The following NOS1 variants were observed in gnomAD, a reference collection of about 807,000 sequenced individuals.
NOS1 encodes the protein nitric oxide synthase 1, also known as NOS type I.
Under a neutral mutation model 164.5 loss-of-function variants are expected in NOS1, and 51 were observed. That is an observed-to-expected ratio of 0.31 (90% CI 0.25 to 0.39). The LOEUF is 0.39. Ranked by LOEUF, NOS1 falls within the 10% of genes least tolerant of loss-of-function variation. NOS1 has a pLI of 1.00. For missense variants in NOS1, 1,362 were observed against 1,885.6 expected (o/e 0.72, Z 5.14); for synonymous variants, 719 against 745.8 (o/e 0.96, Z 0.59).
chr12:117,256,939 G>A (rs1023666064), intron 16 of NOS1, among the ~76,000 whole-genome samples: 4 of 152,106 alleles, frequency 2.6e-5, no homozygotes, highest in African/African-American at 9.7e-5. Flanking sequence ...AGGCATGGTG[G>A]TGTGTGCCTG....
At chr12:117,312,436 TC>T (rs1874477049) in intron 2 of NOS1, among the ~76,000 whole-genome samples, 1 of 151,976 alleles carries the variant, frequency 6.6e-6, no homozygotes, top group Admixed American at 6.6e-5. Flanking sequence ...TTCGTTTTTT[TC>T]CCCAGCCTTG....
Position 117,258,450 on chromosome 12 carries a change from G to A in NOS1, c.2478C>T (p.Phe826=), listed in dbSNP as rs763272264. The A allele has an allele frequency of 8.7e-6, 14 of 1,613,924 alleles. No individual in the cohort carries two copies. The highest frequency in any genetic ancestry group is 2.2e-5 in the East Asian group (1 of 44,882). ...GCCTCATTTCCATCAAAGCACAGCC[G>A]AATTTCTGGAAGCCAAAACATATGG... ...NGDPPENGEK[F]GCALMEMRHP... Residue 826 remains phenylalanine, a synonymous_variant, in exon 16 of 29, where the codon TTC becomes TTT. Transcript: ENST00000317775.
intron 28 of NOS1, 30 bp from the exon 29 acceptor site, chr12:117,215,354 G>C (rs1269303910): frequency 6.6e-7 from 1 of 1,514,188 alleles, no homozygotes; most frequent in East Asian, 2.4e-5. Context: ...GGGGCAGTTA[G>C]TGCCCCAAGG....
intron 3 of NOS1, chr12:117,302,200 T>A (rs1873858840): frequency 2.4e-6 from 1 of 412,856 alleles, no homozygotes; most frequent in Non-Finnish European, 4.9e-6. Flanking sequence ...TTGTTATGGT[T>A]GACATCATTA....
chr12:117,272,895 A>G lies in NOS1; in HGVS notation c.1665-336T>C, dbSNP rs1592975256. The stretch of plus-strand genomic sequence containing the variant: ...CCCTTCCCCGACTGAGCACCCTCCT[A>G]CCCTCAGGGCCTTTGCACAGGCAGC... On this transcript the variant is annotated intron_variant, in intron 9 of 28. Coordinates refer to ENST00000317775, the MANE Select transcript of NOS1 (RefSeq NM_000620.5). The surrounding 1 kb of genome is among the most constrained non-coding windows in gnomAD (Gnocchi z 4.3). Among the ~76,000 whole-genome samples the G allele has an allele frequency of 1.3e-5, 2 of 152,054 alleles. No individual in the cohort carries two copies. Among genetic ancestry groups the G allele is most frequent in the African/African-American group, 4.8e-5 (2 of 41,400 alleles).
At chr12:117,228,513 C>T (rs939785703) in intron 22 of NOS1, among the ~76,000 whole-genome samples, 3 of 152,082 alleles carry the variant, frequency 2.0e-5, no homozygotes, top group African/African-American at 7.2e-5. Context: ...GAGTGACAGC[C>T]CCAGAAAAAT....
chr12:117,228,367 A>C (rs1336391033), intron 22 of NOS1, among the ~76,000 whole-genome samples: 2 of 152,196 alleles, frequency 1.3e-5, no homozygotes, highest in African/African-American at 2.4e-5. Flanking sequence ...ACACTCCTGA[A>C]GTCAAGAGAG....
chr12:117,295,743 C>G (rs1162539620), intron 3 of NOS1, among the ~76,000 whole-genome samples: 1 of 151,042 alleles, frequency 6.6e-6, no homozygotes, highest in Non-Finnish European at 1.5e-5. Flanking sequence ...CCTCAGCCTC[C>G]TGAGTAGCTG....
intron 20 of NOS1, among the ~76,000 whole-genome samples, chr12:117,235,953 G>C (rs1221532743): frequency 1.3e-5 from 2 of 152,184 alleles, no homozygotes; most frequent in Admixed American, 6.5e-5. Context: ...TGAGGCGGGA[G>C]AATCGCTTGA....
At chr12:117,313,960 C>G (rs185617426) in intron 2 of NOS1, among the ~76,000 whole-genome samples, 9 of 152,298 alleles carry the variant, frequency 5.9e-5, no homozygotes, top group African/African-American at 2.2e-4. Flanking sequence ...TTCTATGGTC[C>G]TAGCTTAGGG....
rs960823020 is a variant in NOS1 at position 117,356,015 on chromosome 12, G to A, written c.-421+5497C>T. Among the ~76,000 whole-genome samples, 1 of 152,180 alleles carries A rather than the reference G, an allele frequency of 6.6e-6. No homozygotes were observed. The highest frequency in any genetic ancestry group is 2.4e-5 in the African/African-American group (1 of 41,440). On this transcript the variant is annotated intron_variant, in intron 1 of 28. Transcript: ENST00000317775. The surrounding 1 kb of genome is among the most constrained non-coding windows in gnomAD (Gnocchi z 4.2). ...AATCCTCCTGCCTCAGTCTCCCAAA[G>A]TGTTGGGATTACAGGCGTGAGCCAC...
Position 117,265,349 on chromosome 12 carries a change from G to C in NOS1, c.2103C>G (p.Leu701=). 1.9e-6 allele frequency: 3 copies of C among 1,565,660 alleles called. No individual in the cohort carries two copies. Among genetic ancestry groups the C allele is most frequent in the Non-Finnish European group, 2.6e-6 (3 of 1,150,738 alleles). ...CGAAGGAGGGGGTGAGCCGGTAGTT[G>C]AGCATCTCCTGGTGGAACACAGGGG... The part of the protein sequence containing the change: ...SITPVFHQEM[L]NYRLTPSFEY... The change falls in exon 12 of 29, where the codon CTC becomes CTG. Residue 701 remains leucine, a synonymous_variant. Transcript: ENST00000317775.
intron 4 of NOS1, among the ~76,000 whole-genome samples, chr12:117,288,503 T>G (rs1393799988): frequency 6.6e-6 from 1 of 152,136 alleles, no homozygotes; most frequent in Non-Finnish European, 1.5e-5. Flanking sequence ...TCTGAAATAT[T>G]TTTAGATTTT....
chr12:117,323,243 T>G (rs184893157), intron 2 of NOS1, among the ~76,000 whole-genome samples: 1 of 152,322 alleles, frequency 6.6e-6, no homozygotes, highest in Non-Finnish European at 1.5e-5. Flanking sequence ...AGCTAGGTCT[T>G]GGGCATCTCA....
chr12:117,262,216 T>C (rs932510999), intron 13 of NOS1, among the ~76,000 whole-genome samples: 4 of 152,142 alleles, frequency 2.6e-5, no homozygotes, highest in African/African-American at 9.7e-5. Flanking sequence ...TTAATTCCCA[T>C]TGTTACTACC....
chr12:117,208,684 T>A lies in NOS1; in HGVS notation c.*6625A>T. The stretch of plus-strand genomic sequence containing the variant: ...CAGAACCAACACCAAGGACACAGTG[T>A]CTTATTGAAACAGACTGCCATCCTC... On this transcript the variant is annotated 3_prime_UTR_variant, in exon 29 of 29. Transcript: ENST00000317775. The A allele has an allele frequency of 1.9e-6, 2 of 1,064,490 alleles. No individual in the cohort carries two copies. The highest frequency in any genetic ancestry group is 2.3e-6 in the Non-Finnish European group (2 of 876,932). 65.9% of individuals were successfully genotyped at this position (1,064,490 alleles called of 1,614,324 possible). A position where few individuals can be genotyped will look rare whatever the true frequency, so the allele number is the denominator to read the frequency against.
intron 1 of NOS1, among the ~76,000 whole-genome samples, chr12:117,341,330 A>G (rs963357613): frequency 6.6e-6 from 1 of 152,196 alleles, no homozygotes; most frequent in African/African-American, 2.4e-5. Flanking sequence ...AGATGCATCC[A>G]GAAGCACTGA....
chr12:117,215,733 C>T (rs1032368403), intron 28 of NOS1, among the ~76,000 whole-genome samples: 6 of 152,004 alleles, frequency 3.9e-5, no homozygotes, highest in African/African-American at 1.5e-4. Context: ...GCACCCGGCC[C>T]GTCTCTTTCA....
At chr12:117,271,220 C>T (rs1196327117) in intron 10 of NOS1, among the ~76,000 whole-genome samples, 2 of 151,976 alleles carry the variant, frequency 1.3e-5, no homozygotes, top group African/African-American at 2.4e-5. Flanking sequence ...AGATACCCTC[C>T]GATGTGTGGC....
Sources: allele counts gnomAD v4.1 joint callset (sites outside exome capture counted in the v4.1 genomes callset), GRCh38; gene constraint gnomAD v4.1.1; non-coding constraint Gnocchi (gnomAD v3.1); transcripts MANE v1.5; gene names NCBI Gene and HGNC (gene_info 2026-07-23, HGNC 2026-07-21).